TAPT1: variants seen among roughly 807,000 people sequenced by gnomAD.
The protein encoded by TAPT1 is transmembrane anterior posterior transformation protein 1 homolog.
TAPT1 carries 28 observed loss-of-function variants against 65.6 expected under a neutral mutation model. The ratio of observed to expected loss-of-function variants is 0.43; its 90% confidence interval spans 0.32 to 0.59. The LOEUF (loss-of-function observed/expected upper bound fraction) is 0.59. Ranked by LOEUF, TAPT1 falls within the 20% of genes least tolerant of loss-of-function variation. The pLI is 0.09. For synonymous variants in TAPT1, 278 were observed against 245.2 expected (o/e 1.13, Z -1.25); for missense variants, 563 against 679.9 (o/e 0.83, Z 1.91).
intron 11 of TAPT1, among the ~76,000 whole-genome samples, chr4:16,173,953 GAGTAT>G (rs1391350996): frequency 6.6e-6 from 1 of 152,170 alleles, no homozygotes; most frequent in Non-Finnish European, 1.5e-5. Context: ...AAGCAAAAAA[GAGTAT>G]TCTCATTGTT....
chr4:16,174,466 G>T, intron 10 of TAPT1, 194 bp from the exon 11 acceptor site: 1 of 667,196 alleles, frequency 1.5e-6, no homozygotes, highest in Admixed American at 3.3e-5. Context: ...AACTTAAAAT[G>T]CTGCAAAGAG....
chr4:16,201,752 T>C (rs1560177346), intron 3 of TAPT1, among the ~76,000 whole-genome samples: 1 of 150,808 alleles, frequency 6.6e-6, no homozygotes, highest in Non-Finnish European at 1.5e-5. Context: ...CCAGGTACTA[T>C]GCTGGGTATT....
chr4:16,196,650 T>G lies in TAPT1; in HGVS notation c.450-5127A>C, dbSNP rs1249504307. ...AGAGTATAGAAGGAAAAATCAGGGT[T>G]TACTCACCACAAGGAGTCCCTGTGC... On this transcript the variant is annotated intron_variant, in intron 3 of 13. Coordinates refer to ENST00000405303, the MANE Select transcript of TAPT1 (RefSeq NM_153365.3). 5 of 1,283,734 alleles carry G rather than the reference T, an allele frequency of 3.9e-6. No individual in the cohort carries two copies. In the Admixed American group the frequency reaches 1.1e-4, roughly 30 times the overall value. The allele number at this position is 1,283,734 out of a possible 1,614,324, so 79.5% of individuals were successfully genotyped here.
At chr4:16,178,690 G>C (rs1305359176) in intron 8 of TAPT1, among the ~76,000 whole-genome samples, 1 of 152,206 alleles carries the variant, frequency 6.6e-6, no homozygotes, top group Non-Finnish European at 1.5e-5. Flanking sequence ...TATGCTCAGT[G>C]AATGTCTGCT....
At chr4:16,221,606 TATTA>T (rs1388782115) in intron 1 of TAPT1, among the ~76,000 whole-genome samples, 1 of 152,236 alleles carries the variant, frequency 6.6e-6, no homozygotes, top group Non-Finnish European at 1.5e-5. Flanking sequence ...GATTAAAAAG[TATTA>T]ATTAAAAGTA....
intron 2 of TAPT1, among the ~76,000 whole-genome samples, chr4:16,209,729 G>A (rs1183391455): frequency 6.6e-6 from 1 of 152,198 alleles, no homozygotes; most frequent in Non-Finnish European, 1.5e-5. Context: ...ACCGTGGGGT[G>A]GACAAAGGAA....
chr4:16,212,356 C>T (rs139210087), intron 2 of TAPT1, among the ~76,000 whole-genome samples: 4 of 152,352 alleles, frequency 2.6e-5, no homozygotes, highest in Non-Finnish European at 4.4e-5. Context: ...CTTCCCACTT[C>T]CCCTGCACTG....
intron 7 of TAPT1, among the ~76,000 whole-genome samples, chr4:16,185,782 C>A (rs1255714535): frequency 1.3e-5 from 2 of 152,144 alleles, no homozygotes; most frequent in Non-Finnish European, 2.9e-5. Context: ...GCAGGCCTCC[C>A]CATAACACAC....
chr4:16,202,205 A>C (rs1750074837), intron 3 of TAPT1, among the ~76,000 whole-genome samples: 1 of 152,142 alleles, frequency 6.6e-6, no homozygotes, highest in African/African-American at 2.4e-5. Context: ...ACTGCTACAA[A>C]GCCTCCAGCA....
In TAPT1 at chr4:16,186,557, A is replaced by T; in HGVS notation, c.894T>A (p.Asn298Lys). 1 of 1,534,082 alleles carries T rather than the reference A, an allele frequency of 6.5e-7. No individual in the cohort carries two copies. Among genetic ancestry groups the T allele is most frequent in the South Asian group, 1.2e-5 (1 of 83,634 alleles). ...GSVFKKFEKN[N>K]LFQMSNSDIK... is the part of the protein sequence containing the mutation. ...TACCGCTATTTGACATTTGAAAGAG[A>T]TTGTTCTTTTCAAACTTCTTGAAAA... Residue 298 changes from asparagine (N) to lysine (K), a missense_variant, in exon 7 of 14, where the codon AAT (asparagine) becomes AAA (lysine). Physicochemically the swap from Asn to Lys is moderately conservative, Grantham distance 94. This residue lies in a region of TAPT1 where 217 missense variants were observed against 317.5 expected (regional missense o/e 0.68). Transcript: ENST00000405303.
intron 11 of TAPT1, among the ~76,000 whole-genome samples, chr4:16,173,157 CAAGAAAG>C (rs1748112166): frequency 6.6e-6 from 1 of 152,110 alleles, no homozygotes; most frequent in African/African-American, 2.4e-5. Flanking sequence ...AATCGGTAGT[CAAGAAAG>C]AACATAATCA....
Position 16,225,426 on chromosome 4 carries a change from T to C in TAPT1, c.199+833A>G, listed in dbSNP as rs553261863. ...GAAATTTAATGGAGTTATGGTTCAG[T>C]TGCTGTTTACAGCTTGAGAATTAAA... On this transcript the variant is annotated intron_variant, in intron 1 of 13. Transcript: ENST00000405303. 2.0e-5 allele frequency among the ~76,000 whole-genome samples: 3 copies of C among 152,374 alleles called. No homozygotes were observed. The South Asian group carries it at 6.2e-4, about 32-fold the overall frequency.
At chr4:16,167,949 C>G (rs1747745872) in intron 12 of TAPT1, among the ~76,000 whole-genome samples, 1 of 152,124 alleles carries the variant, frequency 6.6e-6, no homozygotes. Flanking sequence ...CACATTAAAT[C>G]TGTATTTCCT....
At chr4:16,190,356 C>T (rs141108477) in intron 4 of TAPT1, 4 of 151,230 alleles carry the variant, frequency 2.6e-5, no homozygotes, top group Admixed American at 6.6e-5. Context: ...TTTTTTTCCC[C>T]GAGATGGAGT....
intron 2 of TAPT1, 58 bp from the exon 3 acceptor site, chr4:16,202,638 G>A (rs753207785): frequency 9.1e-5 from 85 of 934,654 alleles, no homozygotes; most frequent in Non-Finnish European, 1.3e-4. Context: ...ACTTGTAGAT[G>A]AAAATTCCAA....
intron 13 of TAPT1, among the ~76,000 whole-genome samples, chr4:16,164,827 A>G (rs557376296): frequency 1.3e-5 from 2 of 152,332 alleles, no homozygotes; most frequent in East Asian, 3.9e-4. Flanking sequence ...CTTATTACTA[A>G]TAGTGTTCTT....
At position 16,209,451 on chromosome 4, in the gene TAPT1, G is replaced by A. The variant is rs78407725; in HGVS notation, c.330+4317C>T. On this transcript the variant is annotated intron_variant, in intron 2 of 13. Transcript: ENST00000405303. ...AGATGGAGCAAATTAATAATTAAGT[G>A]TGTAAGTGATCTTTATCTTTCTAAA... is the stretch of plus-strand genomic sequence containing the variant. Among the ~76,000 whole-genome samples the A allele has an allele frequency of 3.3e-3, 497 of 152,290 alleles. 4 individuals are homozygous for A. Among genetic ancestry groups the A allele is most frequent in the African/African-American group, 0.011 (471 of 41,562 alleles).
chr4:16,217,101 A>G (rs181124069), intron 1 of TAPT1, among the ~76,000 whole-genome samples: 1 of 152,318 alleles, frequency 6.6e-6, no homozygotes, highest in East Asian at 1.9e-4. Flanking sequence ...AGGAGTGAAC[A>G]TGCCCAGACG....
intron 8 of TAPT1, among the ~76,000 whole-genome samples, chr4:16,177,819 GTTTT>G (rs113909054): frequency 1.0e-4 from 15 of 148,712 alleles, no homozygotes; most frequent in Non-Finnish European, 2.1e-4. Context: ...CACTTTGTTG[GTTTT>G]TTTTTTTAAG....
Sources: gnomAD v4.1 joint callset for allele counts (sites outside exome capture counted in the v4.1 genomes callset) on GRCh38, gnomAD v4.1.1 for gene constraint, gnomAD v4.1.1 regional missense constraint, MANE v1.5 for transcripts, NCBI Gene and HGNC (gene_info 2026-07-23, HGNC 2026-07-21) for gene names.